AK7: variants seen among roughly 807,000 people sequenced by gnomAD.
AK7 encodes adenylate kinase 7.
A neutral mutation model predicts 96.6 loss-of-function variants in AK7; 78 were observed. The ratio of observed to expected loss-of-function variants is 0.81; its 90% CI spans 0.67 to 0.97. The LOEUF (loss-of-function observed/expected upper bound fraction) is 0.97. Ranked by LOEUF, AK7 falls within the 50% of genes least tolerant of loss-of-function variation. The pLI is 0.00. For synonymous variants in AK7, 302 were observed against 317.2 expected (o/e 0.95, Z 0.51); for missense variants, 855 against 887.9 (o/e 0.96, Z 0.47).
chr14:96,444,040 G>T (rs1046812314), intron 7 of AK7, among the ~76,000 whole-genome samples: 4 of 152,114 alleles, frequency 2.6e-5, no homozygotes, highest in Non-Finnish European at 2.9e-5. Flanking sequence ...CTCCCAAAGT[G>T]CTGGGATTAC....
intron 4 of AK7, among the ~76,000 whole-genome samples, chr14:96,412,928 A>G (rs1376664092): frequency 6.6e-6 from 1 of 152,230 alleles, no homozygotes; most frequent in African/African-American, 2.4e-5. Flanking sequence ...CACTAACATA[A>G]TAGGTTGGAA....
At chr14:96,435,072 A>G (rs1892566200) in intron 5 of AK7, among the ~76,000 whole-genome samples, 1 of 152,024 alleles carries the variant, frequency 6.6e-6, no homozygotes, top group East Asian at 1.9e-4. Flanking sequence ...AGGGACCCCA[A>G]GAGCCTCCTT....
chr14:96,452,993 G>A (rs1003601887), intron 10 of AK7, among the ~76,000 whole-genome samples: 2 of 152,178 alleles, frequency 1.3e-5, no homozygotes, highest in African/African-American at 2.4e-5. Flanking sequence ...TTTGAAAACT[G>A]TAAAATGGCG....
At chr14:96,485,996 C>T in intron 16 of AK7, among the ~76,000 whole-genome samples, 1 of 152,030 alleles carries the variant, frequency 6.6e-6, no homozygotes, top group East Asian at 1.9e-4. Context: ...CGGGGTTTCA[C>T]CGTGGTCTCG....
At chr14:96,407,642 C>T (rs369827855) in intron 3 of AK7, among the ~76,000 whole-genome samples, 7 of 140,036 alleles carry the variant, frequency 5.0e-5, no homozygotes, top group South Asian at 2.2e-4. Flanking sequence ...AGTGCAGTGG[C>T]GCAATCTCGG....
At chr14:96,424,717 G>A (rs78423792) in intron 5 of AK7, among the ~76,000 whole-genome samples, 120 of 152,254 alleles carry the variant, frequency 7.9e-4, no homozygotes, top group African/African-American at 2.7e-3. Flanking sequence ...CCCTTTTTCT[G>A]TCCATTAACT....
At chr14:96,449,420 GTGTTTGTTTGTT>G (rs72383489) in intron 8 of AK7, among the ~76,000 whole-genome samples, 3 of 151,622 alleles carry the variant, frequency 2.0e-5, no homozygotes, top group South Asian at 2.1e-4. Context: ...TCATTTGAGG[GTGTTTGTTTGTT>G]TGTTTGTTTG....
chr14:96,472,929 A>G (rs1486601148), intron 14 of AK7, among the ~76,000 whole-genome samples, 174 bp downstream of exon 14: 2 of 151,972 alleles, frequency 1.3e-5, no homozygotes, highest in Non-Finnish European at 2.9e-5. Context: ...TAGAAATACA[A>G]AAATTAGCTG....
intron 12 of AK7, among the ~76,000 whole-genome samples, chr14:96,463,893 G>A (rs1167414761): frequency 6.6e-6 from 1 of 152,008 alleles, no homozygotes; most frequent in African/African-American, 2.4e-5. Flanking sequence ...ACAGGGAAGG[G>A]TGGGGTCACC....
chr14:96,422,014 A>T (rs1891731218), intron 5 of AK7, among the ~76,000 whole-genome samples: 2 of 152,136 alleles, frequency 1.3e-5, no homozygotes, highest in Non-Finnish European at 2.9e-5. Flanking sequence ...CACACACAAG[A>T]TAGTGAAAGC....
chr14:96,446,230 G>T (rs1566789469), intron 7 of AK7, among the ~76,000 whole-genome samples: 1 of 152,170 alleles, frequency 6.6e-6, no homozygotes, highest in Non-Finnish European at 1.5e-5. Flanking sequence ...AGGGCAGTAT[G>T]CTAGAAAGAA....
chr14:96,457,142 C>A (rs867813506), intron 11 of AK7: 1 of 143,996 alleles, frequency 6.9e-6, no homozygotes. Context: ...CTCACTGCAA[C>A]CTTCACCTCC....
At chr14:96,420,067 T>C (rs1278895383) in intron 4 of AK7, among the ~76,000 whole-genome samples, 1 of 151,840 alleles carries the variant, frequency 6.6e-6, no homozygotes, top group African/African-American at 2.4e-5. Flanking sequence ...GGTTTCATCA[T>C]GTTAGCCAGG....
At chr14:96,457,155 G>A (rs1893969424) in intron 11 of AK7, 1 of 150,478 alleles carries the variant, frequency 6.6e-6, no homozygotes, top group African/African-American at 2.5e-5. Flanking sequence ...TCACCTCCTG[G>A]GTTCAAGCAG....
chr14:96,465,258 A>C (rs1057397215), intron 12 of AK7, among the ~76,000 whole-genome samples: 1 of 152,066 alleles, frequency 6.6e-6, no homozygotes, highest in Admixed American at 6.6e-5. Context: ...TCAGGAGATC[A>C]AGACCATCCT....
chr14:96,410,062 C>T (rs564088099), intron 4 of AK7, among the ~76,000 whole-genome samples: 2 of 152,226 alleles, frequency 1.3e-5, no homozygotes, highest in African/African-American at 4.8e-5. Context: ...ATGATATGGT[C>T]AATGGAATAT....
At chr14:96,425,415 G>A (rs1043402277) in intron 5 of AK7, among the ~76,000 whole-genome samples, 1 of 151,244 alleles carries the variant, frequency 6.6e-6, no homozygotes, top group Non-Finnish European at 1.5e-5. Context: ...AATTATACAA[G>A]TTGCCAAAAT....
chr14:96,449,591 G>A (rs1451836022), intron 8 of AK7, among the ~76,000 whole-genome samples: 6 of 152,096 alleles, frequency 3.9e-5, no homozygotes, highest in African/African-American at 1.2e-4. Context: ...ACGCCACCAC[G>A]CCTGGCTAAC....
chr14:96,395,800 A>ATTTTTTTT (rs1172936912), intron 1 of AK7, among the ~76,000 whole-genome samples: 7 of 69,040 alleles, frequency 1.0e-4, no homozygotes, highest in Non-Finnish European at 1.3e-4. Flanking sequence ...TTGATTTTGA[A>ATTTTTTTT]TTTTTTTTTT....
Sources: gnomAD v4.1 joint callset for allele counts (sites outside exome capture counted in the v4.1 genomes callset) on GRCh38, gnomAD v4.1.1 for gene constraint, MANE v1.5 for transcripts, NCBI Gene and HGNC (gene_info 2026-07-23, HGNC 2026-07-21) for gene names.